CUX1: variants seen among roughly 807,000 people sequenced by gnomAD.
CUX1 encodes protein CASP.
A neutral mutation model predicts 158.8 loss-of-function variants in CUX1; 31 were observed. That is an observed-to-expected ratio of 0.20 (90% CI 0.15 to 0.26). CUX1 has a LOEUF of 0.26. CUX1 is among the 10% of genes least tolerant of loss of function. The pLI, the probability that CUX1 is intolerant of heterozygous loss-of-function variation, is 1.00. For synonymous variants in CUX1, 879 were observed against 862.1 expected, an observed-to-expected ratio of 1.02 and a Z score of -0.34; for missense variants, 1,589 against 2,014.6, an observed-to-expected ratio of 0.79 and a Z score of 4.04.
chr7:101,895,914 T>TTTTTTTTTTTTTTG, intron 1 of CUX1, among the ~76,000 whole-genome samples: 1 of 131,340 alleles, frequency 7.6e-6, no homozygotes, highest in African/African-American at 2.8e-5. Context: ...TTTTGTTTTT[T>TTTTTTTTTTTTTTG]TTTTTTTTTT....
intron 8 of CUX1, among the ~76,000 whole-genome samples, chr7:102,135,959 G>T (rs1347970524): frequency 1.3e-5 from 2 of 151,422 alleles, no homozygotes; most frequent in Non-Finnish European, 2.9e-5. Context: ...GGGAGACAGA[G>T]CAAGGCTCTG....
At chr7:102,177,309 G>C (rs1170141336) in intron 10 of CUX1, among the ~76,000 whole-genome samples, 6 of 151,726 alleles carry the variant, frequency 4.0e-5, no homozygotes, top group African/African-American at 1.5e-4. Flanking sequence ...AGCTACTTAG[G>C]AGGCTGAGGC....
chr7:102,224,980 C>T (rs547354332), intron 20 of CUX1, among the ~76,000 whole-genome samples: 1 of 152,314 alleles, frequency 6.6e-6, no homozygotes, highest in South Asian at 2.1e-4. Flanking sequence ...GCCGGCCCCT[C>T]GCATGGGTGA....
intron 19 of CUX1, chr7:102,280,722 C>A: frequency 6.9e-7 from 1 of 1,442,778 alleles, no homozygotes; most frequent in Non-Finnish European, 9.6e-7. Flanking sequence ...TGTCCTGTGG[C>A]TGGCCAGGCC....
At chr7:102,159,623 G>A (rs1790199842) in intron 9 of CUX1, among the ~76,000 whole-genome samples, 1 of 152,148 alleles carries the variant, frequency 6.6e-6, no homozygotes, top group South Asian at 2.1e-4. Flanking sequence ...CAGTCTGGGG[G>A]GCCAAGGTGG....
intron 11 of CUX1, among the ~76,000 whole-genome samples, chr7:102,183,210 C>T (rs1436033525): frequency 6.6e-6 from 1 of 152,298 alleles, no homozygotes; most frequent in East Asian, 1.9e-4. Flanking sequence ...GACAGGGTTT[C>T]ACCATGTTGG....
rs1563494623 is a variant in CUX1 at position 102,251,939 on chromosome 7, C to G, written c.*2897C>G. The G allele has an allele frequency of 1.0e-6, 1 of 985,098 alleles. No homozygotes were observed. The highest frequency in any genetic ancestry group is 4.7e-5 in the South Asian group (1 of 21,272). The allele number at this position is 985,098 out of a possible 1,614,324, so 61.0% of individuals were successfully genotyped here. On this transcript the variant is annotated 3_prime_UTR_variant, in exon 24 of 24. Transcript: ENST00000292535. ...CAGTCTAAAATGCAGTCATTTTGAC[C>G]CTCCCAAGCAATTTAGTCATATGTG...
At chr7:101,923,799 G>C (rs1281519926) in intron 2 of CUX1, among the ~76,000 whole-genome samples, 2 of 152,222 alleles carry the variant, frequency 1.3e-5, no homozygotes, top group Non-Finnish European at 2.9e-5. Context: ...GGAGACGCCT[G>C]GCTCAGCATG....
chr7:101,872,322 C>T (rs1360682217), intron 1 of CUX1, among the ~76,000 whole-genome samples: 6 of 151,748 alleles, frequency 4.0e-5, no homozygotes, highest in African/African-American at 1.5e-4. Flanking sequence ...TTAGTAGAGA[C>T]GGGGTTTCAC....
At chr7:101,994,390 G>A (rs1815546991) in intron 2 of CUX1, among the ~76,000 whole-genome samples, 1 of 152,194 alleles carries the variant, frequency 6.6e-6, no homozygotes, top group Non-Finnish European at 1.5e-5. Context: ...GATCACCTGA[G>A]GTTAGGAGTT....
chr7:102,230,265 C>G (rs1554530188), intron 21 of CUX1, among the ~76,000 whole-genome samples: 1 of 151,748 alleles, frequency 6.6e-6, no homozygotes, highest in Non-Finnish European at 1.5e-5. Flanking sequence ...CACCTGAGGC[C>G]AGGAGTTCGA....
chr7:102,195,705 A>G (rs527534482), intron 14 of CUX1, 102 bp downstream of exon 14: 1 of 1,055,870 alleles, frequency 9.5e-7, no homozygotes, highest in African/African-American at 1.6e-5. Context: ...ATGCATGGCC[A>G]GAGAAGCGCC....
chr7:102,169,053 T>G (rs1163301063), intron 9 of CUX1, among the ~76,000 whole-genome samples: 1 of 151,580 alleles, frequency 6.6e-6, no homozygotes, highest in Non-Finnish European at 1.5e-5. Context: ...TCTGCCTCAG[T>G]CTCCCGAGTA....
chr7:102,216,602 A>ACACACACACACTCCC (rs1563425253), intron 20 of CUX1, among the ~76,000 whole-genome samples: 62 of 29,402 alleles, frequency 2.1e-3, no homozygotes, highest in Non-Finnish European at 4.4e-3. Context: ...ACACTCCCAC[A>ACACACACACACTCCC]CACACACACA....
At chr7:101,827,625 C>G (rs140636461) in intron 1 of CUX1, among the ~76,000 whole-genome samples, 291 of 152,118 alleles carry the variant, frequency 1.9e-3, no homozygotes, top group African/African-American at 6.6e-3. Context: ...CTTTTCATTC[C>G]CCAAAAACTT....
Position 102,281,750 on chromosome 7 carries a change from C to T in CUX1, c.1822-90C>T, listed in dbSNP as rs879959691. ...CTTCCTGTCCCTTCCCTCCCCTTGC[C>T]ACCCTAGGGCCCTTTCTGTGAAGCC... On this transcript the variant is annotated intron_variant, in intron 20 of 22. Coordinates refer to the CUX1 transcript ENST00000292538. 1.2e-5 allele frequency: 10 copies of T among 855,682 alleles called. No homozygotes were observed. In the South Asian group the frequency reaches 1.2e-4, roughly 11 times the overall value. 53.0% of individuals were successfully genotyped at this position (855,682 alleles called of 1,614,324 possible).
intron 8 of CUX1, among the ~76,000 whole-genome samples, chr7:102,152,216 A>G (rs1391398627): frequency 6.6e-6 from 1 of 152,006 alleles, no homozygotes; most frequent in African/African-American, 2.4e-5. Context: ...TGGGCTTGCT[A>G]GTGCACACCT....
In CUX1 at chr7:101,916,906, C is replaced by G. The variant is rs1804276562; in HGVS notation, c.141+681C>G. Among the ~76,000 whole-genome samples the G allele has an allele frequency of 6.7e-6, 1 of 150,060 alleles. No individual in the cohort carries two copies. Among genetic ancestry groups the G allele is most frequent in the South Asian group, 2.1e-4 (1 of 4,744 alleles). ...TCCCTTCAACCCTATCAGGGGCTTACTAAGAAAAAAAAAAAAACATCCAAG... is the reference window on the plus strand; with the variant it reads ...TCCCTTCAACCCTATCAGGGGCTTAGTAAGAAAAAAAAAAAAACATCCAAG... On this transcript the variant is annotated intron_variant, in intron 2 of 23. Coordinates refer to ENST00000292535, the MANE Select transcript of CUX1 (RefSeq NM_181552.4). This position sits in a 1 kb window ranked among gnomAD's most constrained non-coding sequence, Gnocchi z 4.4.
chr7:101,972,219 G>A (rs973233571), intron 2 of CUX1, among the ~76,000 whole-genome samples: 4 of 152,180 alleles, frequency 2.6e-5, no homozygotes, highest in Admixed American at 6.5e-5. Flanking sequence ...GCCTGCCTCC[G>A]CCTCCCAAAG....
Sources: allele counts gnomAD v4.1 joint callset (sites outside exome capture counted in the v4.1 genomes callset), GRCh38; gene constraint gnomAD v4.1.1; non-coding constraint Gnocchi (gnomAD v3.1); transcripts MANE v1.5; gene names NCBI Gene and HGNC (gene_info 2026-07-23, HGNC 2026-07-21).